The following ANAPC10 variants were observed in gnomAD, a reference collection of about 807,000 sequenced individuals.
The protein encoded by ANAPC10 is anaphase promoting complex subunit 10.
ANAPC10 carries 12 observed loss-of-function variants against 22.0 expected under a neutral mutation model. The observed-to-expected ratio is 0.55, with a 90% CI of 0.35 to 0.88. ANAPC10 has a LOEUF of 0.88. ANAPC10 is among the 40% of genes least tolerant of loss of function. ANAPC10 has a pLI of 0.01. For missense variants in ANAPC10, 188 were observed against 220.9 expected (o/e 0.85, Z 0.94); for synonymous variants, 65 against 69.5 (o/e 0.94, Z 0.32).
chr4:145,097,917 A>G (rs550063794), intron 1 of ANAPC10: 6 of 223,114 alleles, frequency 2.7e-5, no homozygotes, highest in Non-Finnish European at 4.6e-5. Context: ...GAGGCCTAGA[A>G]GAGCGCGCAA....
At chr4:145,006,141 T>A (rs899116172) in intron 4 of ANAPC10, among the ~76,000 whole-genome samples, 5 of 152,218 alleles carry the variant, frequency 3.3e-5, no homozygotes, top group African/African-American at 1.2e-4. Flanking sequence ...GCTTCTGTGT[T>A]GACTGCATAT....
intron 4 of ANAPC10, among the ~76,000 whole-genome samples, chr4:145,058,289 C>A (rs905347962): frequency 1.3e-5 from 2 of 152,156 alleles, no homozygotes; most frequent in Non-Finnish European, 2.9e-5. Flanking sequence ...TTATGTACAT[C>A]ATGACCCTGC....
At chr4:145,008,598 T>C (rs1733794466) in intron 4 of ANAPC10, among the ~76,000 whole-genome samples, 1 of 152,160 alleles carries the variant, frequency 6.6e-6, no homozygotes, top group East Asian at 1.9e-4. Context: ...CATGATTTTC[T>C]CAATAGATGC....
intron 4 of ANAPC10, among the ~76,000 whole-genome samples, chr4:145,041,174 T>C (rs1368061988): frequency 6.6e-6 from 1 of 152,194 alleles, no homozygotes; most frequent in Admixed American, 6.5e-5. Flanking sequence ...CATAATTTAC[T>C]TTCAAAAGTG....
At chr4:145,054,076 T>G (rs1253685044) in intron 4 of ANAPC10, among the ~76,000 whole-genome samples, 1 of 151,592 alleles carries the variant, frequency 6.6e-6, no homozygotes. Context: ...TCCCAGCTAA[T>G]TTTTCTAATT....
At chr4:145,034,814 C>T (rs1738257542) in intron 4 of ANAPC10, among the ~76,000 whole-genome samples, 1 of 151,864 alleles carries the variant, frequency 6.6e-6, no homozygotes, top group African/African-American at 2.4e-5. Flanking sequence ...ATGAAACTGT[C>T]TGTCAGATGA....
At chr4:145,061,456 T>C (rs547036458) in intron 4 of ANAPC10, among the ~76,000 whole-genome samples, 1 of 152,110 alleles carries the variant, frequency 6.6e-6, no homozygotes, top group South Asian at 2.1e-4. Context: ...GAAAAACAAG[T>C]ACAACTAAGA....
intron 2 of ANAPC10, among the ~76,000 whole-genome samples, chr4:145,087,576 A>T (rs571694596): frequency 6.6e-6 from 1 of 152,238 alleles, no homozygotes; most frequent in East Asian, 1.9e-4. Flanking sequence ...CTGTGGCTAT[A>T]TACATTTAAA....
At chr4:145,008,411 G>A (rs546492835) in intron 4 of ANAPC10, among the ~76,000 whole-genome samples, 1 of 152,308 alleles carries the variant, frequency 6.6e-6, no homozygotes, top group South Asian at 2.1e-4. Context: ...CAATATCCCT[G>A]ATGAACATCG....
chr4:145,095,918 G>A (rs1328367615), intron 2 of ANAPC10, 67 bp downstream of exon 2: 1 of 1,606,230 alleles, frequency 6.2e-7, no homozygotes, highest in Non-Finnish European at 8.5e-7. Context: ...TGGGATAAGG[G>A]GAGATGCCTG....
rs7672532 is a variant in ANAPC10 at position 145,034,543 on chromosome 4, A to G, written c.327+30029T>C. Among the ~76,000 whole-genome samples, 1,108 of 133,844 alleles carry G rather than the reference A, an allele frequency of 8.3e-3. 22 individuals are homozygous for G. Among genetic ancestry groups the G allele is most frequent in the African/African-American group, 0.029 (953 of 33,036 alleles). The allele number at this position is 133,844 out of a possible 152,430, so 87.8% of individuals were successfully genotyped here. A position where few individuals can be genotyped will look rare whatever the true frequency, so the allele number is the denominator to read the frequency against. Reference sequence around the variant, plus strand: ...CTCCTTTATATATATATATATATATATGTGTGTGTGTGTGTGTGTGTGTGT... The same window carrying G: ...CTCCTTTATATATATATATATATATGTGTGTGTGTGTGTGTGTGTGTGTGT... On this transcript the variant is annotated intron_variant, in intron 4 of 4. Coordinates refer to ENST00000507656, the MANE Select transcript of ANAPC10 (RefSeq NM_001256706.2).
In ANAPC10 at chr4:145,081,888, T is replaced by A. The variant is rs34267023; in HGVS notation, c.116-138A>T. 1.4e-3 allele frequency: 982 copies of A among 687,172 alleles called. 6 individuals are homozygous for A. In the African/African-American group the frequency reaches 0.015, roughly 10 times the overall value. 42.6% of individuals were successfully genotyped at this position (687,172 alleles called of 1,614,324 possible). On this transcript the variant is annotated intron_variant, in intron 2 of 4. Coordinates refer to ENST00000507656, the MANE Select transcript of ANAPC10 (RefSeq NM_001256706.2). ...GAAATATTAATTTTTTTTTATTTAT[T>A]TTTTGTAGACAGGGTCTTGCTGTGT...
In ANAPC10 at chr4:145,084,594, T is replaced by A. The variant is rs558237229; in HGVS notation, c.116-2844A>T. ...AGTTGATGAGCTAAAAAAAAAAAAA[T>A]TCATAATGTTTCAAAAAAGTTTACT... is the stretch of plus-strand genomic sequence containing the variant. On this transcript the variant is annotated intron_variant, in intron 2 of 4. Transcript: ENST00000507656. 4.1e-3 allele frequency among the ~76,000 whole-genome samples: 627 copies of A among 151,852 alleles called. 1 individual carries two copies. The highest frequency in any genetic ancestry group is 6.8e-3 in the Middle Eastern group (2 of 292).
At chr4:145,060,541 T>A (rs1057221347) in intron 4 of ANAPC10, among the ~76,000 whole-genome samples, 1 of 151,632 alleles carries the variant, frequency 6.6e-6, no homozygotes, top group Non-Finnish European at 1.5e-5. Flanking sequence ...TTACAAAAAA[T>A]AAGCATCTCA....
At chr4:145,014,127 CTCCACAGGTGGAGGAAGAACTAAAA>C (rs1232364562) in intron 4 of ANAPC10, among the ~76,000 whole-genome samples, 1 of 152,126 alleles carries the variant, frequency 6.6e-6, no homozygotes, top group Non-Finnish European at 1.5e-5. Context: ...AGTGTGCAGC[CTCCACAGGTGGAGGAAGAACTAAAA>C]TCCTTTTATT....
intron 3 of ANAPC10, among the ~76,000 whole-genome samples, chr4:145,071,915 T>C (rs900282351): frequency 1.3e-5 from 2 of 151,830 alleles, no homozygotes; most frequent in African/African-American, 4.8e-5. Context: ...AAGATACAAA[T>C]GGCAATTACA....
intron 2 of ANAPC10, among the ~76,000 whole-genome samples, chr4:145,085,812 G>A (rs958901380): frequency 1.2e-4 from 18 of 151,074 alleles, no homozygotes; most frequent in African/African-American, 2.4e-4. Flanking sequence ...TGCCAATCCC[G>A]TCTCAACCTC....
At chr4:145,068,176 C>G (rs567025071) in intron 3 of ANAPC10, among the ~76,000 whole-genome samples, 3 of 152,318 alleles carry the variant, frequency 2.0e-5, no homozygotes, top group Admixed American at 2.0e-4. Flanking sequence ...AAATTTCCAC[C>G]TTGTAGAAAA....
chr4:145,053,930 G>C, intron 4 of ANAPC10: 1 of 418,890 alleles, frequency 2.4e-6, no homozygotes, highest in Non-Finnish European at 4.2e-6. Flanking sequence ...TTTTTTTTTA[G>C]ATGAAGTCTC....
Sources: gnomAD v4.1 joint callset for allele counts (sites outside exome capture counted in the v4.1 genomes callset) on GRCh38, gnomAD v4.1.1 for gene constraint, MANE v1.5 for transcripts, NCBI Gene and HGNC (gene_info 2026-07-23, HGNC 2026-07-21) for gene names.